Variants in AFTPH observed in about 807,000 individuals in gnomAD.
AFTPH encodes aftiphilin.
In AFTPH, 7 loss-of-function variants were observed where a neutral mutation model predicts 72.5. The observed-to-expected ratio is 0.10, with a 90% CI of 0.05 to 0.18. AFTPH has a LOEUF of 0.18. Among genes scored for constraint, AFTPH ranks in the 10% least tolerant of loss-of-function variants. The pLI is 1.00. For synonymous variants in AFTPH, 337 were observed against 370.1 expected (o/e 0.91, Z 1.03); for missense variants, 979 against 1,060.5 (o/e 0.92, Z 1.07).
chr2:64,560,318 C>T (rs1476578451), intron 2 of AFTPH, among the ~76,000 whole-genome samples: 5 of 151,564 alleles, frequency 3.3e-5, no homozygotes, highest in Non-Finnish European at 7.4e-5. Context: ...AAGCTTTGCC[C>T]CACTGATGAA....
At chr2:64,573,758 A>G (rs1672596231) in intron 6 of AFTPH, among the ~76,000 whole-genome samples, 1 of 152,070 alleles carries the variant, frequency 6.6e-6, no homozygotes, top group Non-Finnish European at 1.5e-5. Flanking sequence ...CCTGGGTTCA[A>G]GCGATTCTCC....
chr2:64,530,266 T>C (rs1190197291), intron 1 of AFTPH, among the ~76,000 whole-genome samples: 1 of 152,176 alleles, frequency 6.6e-6, no homozygotes, highest in Non-Finnish European at 1.5e-5. Flanking sequence ...GAAGACTTGT[T>C]GTAGTGTTTT....
chr2:64,529,633 CTTTT>C (rs66889509), intron 1 of AFTPH, among the ~76,000 whole-genome samples: 1 of 142,706 alleles, frequency 7.0e-6, no homozygotes. Flanking sequence ...AAACAAATCA[CTTTT>C]TTTTTTTTTT....
intron 6 of AFTPH, among the ~76,000 whole-genome samples, chr2:64,575,184 T>A (rs1048304461): frequency 2.6e-5 from 4 of 152,224 alleles, no homozygotes; most frequent in African/African-American, 9.6e-5. Flanking sequence ...GCTTATCATG[T>A]TTCTTTTATA....
chr2:64,551,954 T>C (rs1205717498), exon 2 of AFTPH: 3 of 1,613,446 alleles, frequency 1.9e-6, no homozygotes, highest in African/African-American at 1.3e-5. Flanking sequence ...CTAATATGAA[T>C]GTTGTTCATC....
intron 1 of AFTPH, among the ~76,000 whole-genome samples, chr2:64,539,563 C>G (rs538455979): frequency 6.6e-6 from 1 of 152,204 alleles, no homozygotes; most frequent in East Asian, 1.9e-4. Context: ...ACTAAGAGAC[C>G]AGAGGTGTGG....
At chr2:64,557,683 A>G (rs1221937333) in intron 2 of AFTPH, among the ~76,000 whole-genome samples, 1 of 152,182 alleles carries the variant, frequency 6.6e-6, no homozygotes, top group Non-Finnish European at 1.5e-5. Context: ...ATCTTCACTT[A>G]TTTAGTCATC....
chr2:64,576,358 C>T (rs972542621), intron 6 of AFTPH, among the ~76,000 whole-genome samples: 2 of 152,052 alleles, frequency 1.3e-5, no homozygotes, highest in African/African-American at 4.8e-5. Flanking sequence ...GCTTTTGGGT[C>T]TGTCTGTCCT....
At chr2:64,543,167 C>T (rs920035647) in intron 1 of AFTPH, among the ~76,000 whole-genome samples, 3 of 152,152 alleles carry the variant, frequency 2.0e-5, no homozygotes, top group African/African-American at 7.2e-5. Context: ...ATGCTGTTGG[C>T]TATTTGGATA....
At chr2:64,544,410 C>G (rs1454398133) in intron 1 of AFTPH, among the ~76,000 whole-genome samples, 1 of 152,208 alleles carries the variant, frequency 6.6e-6, no homozygotes, top group Non-Finnish European at 1.5e-5. Flanking sequence ...GCAAGTTACA[C>G]ACATGCATGC....
exon 9 of AFTPH, chr2:64,592,053 G>C: frequency 1.3e-6 from 2 of 1,566,408 alleles, no homozygotes; most frequent in Non-Finnish European, 1.7e-6. Flanking sequence ...GAATTGGACA[G>C]TTTCTATTGC....
intron 1 of AFTPH, among the ~76,000 whole-genome samples, chr2:64,536,951 C>CAAAAAAAAAA (rs70937353): frequency 2.4e-5 from 2 of 81,786 alleles, no homozygotes; most frequent in Non-Finnish European, 5.0e-5. Context: ...GACTCTGTCT[C>CAAAAAAAAAA]AAAAAAAAAA....
intron 7 of AFTPH, among the ~76,000 whole-genome samples, chr2:64,584,453 A>AT (rs1673382075): frequency 6.6e-6 from 1 of 152,184 alleles, no homozygotes; most frequent in Non-Finnish European, 1.5e-5. Context: ...GACTACAGAA[A>AT]TTAACCCTGT....
intron 1 of AFTPH, among the ~76,000 whole-genome samples, chr2:64,538,361 C>T (rs1670004045): frequency 6.6e-6 from 1 of 152,108 alleles, no homozygotes; most frequent in African/African-American, 2.4e-5. Flanking sequence ...GGTCAACCAG[C>T]TAGGAATTTG....
chr2:64,579,416 T>G (rs1673032671), intron 6 of AFTPH, 70 bp from the exon 7 acceptor site: 2 of 1,289,320 alleles, frequency 1.6e-6, no homozygotes, highest in South Asian at 2.7e-5. Context: ...TATAATTTTT[T>G]TTTTTAAGGA....
chr2:64,536,941 G>C (rs1464951087), intron 1 of AFTPH, among the ~76,000 whole-genome samples: 1 of 114,134 alleles, frequency 8.8e-6, no homozygotes, highest in African/African-American at 3.6e-5. Flanking sequence ...AAAAGAAGGA[G>C]ACTCTGTCTC....
chr2:64,570,915 T>TCCCCCCC (rs3841896), intron 5 of AFTPH, among the ~76,000 whole-genome samples: 1 of 74,578 alleles, frequency 1.3e-5, no homozygotes, highest in Non-Finnish European at 2.8e-5. Flanking sequence ...TTTCCTCCCC[T>TCCCCCCC]CCCCCCCCCC....
rs1671046609 is a variant in AFTPH, at chr2:64,551,514, C to G, written c.40C>G (p.Pro14Ala). 3 of 1,613,946 alleles carry G rather than the reference C, an allele frequency of 1.9e-6. No homozygotes were observed. In the South Asian group the frequency reaches 3.3e-5, roughly 18 times the overall value. The change falls in exon 2 of 9, where the codon CCA becomes GCA. Residue 14 changes from proline to alanine, a missense_variant. Transcript: ENST00000238856. The stretch of plus-strand genomic sequence containing the variant: ...CATTCGAATGTACTCTTCATCCCCA[C>G]CACCATTAGACAATGGAGCAGAGGA...
intron 8 of AFTPH, 143 bp downstream of exon 9, chr2:64,585,688 A>T (rs747865609): frequency 6.0e-5 from 51 of 845,076 alleles, no homozygotes; most frequent in Non-Finnish European, 8.9e-5. Context: ...AAGTCCAGAA[A>T]ATATTATCAA....
Sources: gnomAD v4.1 joint callset for allele counts (sites outside exome capture counted in the v4.1 genomes callset) on GRCh38, gnomAD v4.1.1 for gene constraint, MANE v1.5 for transcripts, NCBI Gene and HGNC (gene_info 2026-07-23, HGNC 2026-07-21) for gene names.